Variants in XPR1 observed in about 807,000 individuals in gnomAD.
XPR1 encodes xenotropic and polytropic retrovirus receptor 1.
XPR1 carries 28 observed loss-of-function variants against 87.5 expected under a neutral mutation model. That is an observed-to-expected ratio of 0.32 (90% CI 0.24 to 0.44). XPR1 has a LOEUF of 0.44. XPR1 is among the 20% of genes least tolerant of loss of function. The probability of loss-of-function intolerance (pLI) is 1.00; values close to 1 mark genes in which losing one functional copy is unlikely to be tolerated. For missense variants in XPR1, 559 were observed against 862.3 expected (o/e 0.65, Z 4.41); for synonymous variants, 300 against 306.1 (o/e 0.98, Z 0.21).
chr1:180,746,749 C>G (rs1337344894), intron 2 of XPR1, among the ~76,000 whole-genome samples: 1 of 152,072 alleles, frequency 6.6e-6, no homozygotes, highest in East Asian at 1.9e-4. Context: ...CCTAAACAAG[C>G]AAAAACCAAA....
intron 2 of XPR1, among the ~76,000 whole-genome samples, chr1:180,784,480 ATGT>A (rs1010290520): frequency 2.0e-5 from 3 of 152,006 alleles, no homozygotes; most frequent in African/African-American, 4.8e-5. Flanking sequence ...TTTATTTTAA[ATGT>A]TGTAGATATA....
intron 2 of XPR1, among the ~76,000 whole-genome samples, chr1:180,684,416 T>C (rs1656690401): frequency 6.6e-6 from 1 of 152,222 alleles, no homozygotes; most frequent in African/African-American, 2.4e-5. Context: ...TGAAGTCAGG[T>C]AGCGTGATGC....
At chr1:180,864,557 A>G (rs1193397074) in intron 12 of XPR1, among the ~76,000 whole-genome samples, 1 of 152,240 alleles carries the variant, frequency 6.6e-6, no homozygotes, top group Non-Finnish European at 1.5e-5. Flanking sequence ...TGATTGCATC[A>G]AGAAGACTTC....
intron 7 of XPR1, among the ~76,000 whole-genome samples, chr1:180,824,105 A>G (rs1650737331): frequency 6.6e-6 from 1 of 152,232 alleles, no homozygotes; most frequent in Non-Finnish European, 1.5e-5. Flanking sequence ...CCGGATCCCC[A>G]AATGACAGAA....
At position 180,888,616 on chromosome 1, in the gene XPR1, C is replaced by T. The variant is rs1018902293; in HGVS notation, c.*4550C>T. 1 of 151,998 alleles carries T rather than the reference C, an allele frequency of 6.6e-6. No homozygotes were observed. Among genetic ancestry groups the T allele is most frequent in the Non-Finnish European group, 1.5e-5 (1 of 67,998 alleles). The allele number at this position is 151,998 out of a possible 1,614,324, so 9.4% of individuals were successfully genotyped here. The stretch of plus-strand genomic sequence containing the variant: ...AAGAAGAATAAATCCAATTTATCAG[C>T]TTTGTTCATATTCTTTTTCTGAGTG... On this transcript the variant is annotated 3_prime_UTR_variant, in exon 15 of 15. Coordinates refer to ENST00000367590, the MANE Select transcript of XPR1 (RefSeq NM_004736.4).
In XPR1 at chr1:180,887,864, A is replaced by G. The variant is rs1369910158; in HGVS notation, c.*3798A>G. On this transcript the variant is annotated 3_prime_UTR_variant, in exon 15 of 15. Transcript: ENST00000367590. ...CTTTGACCAAAGTACATTCACAGTA[A>G]CTAGAGAAAGCAGATCATCCATTTC... The G allele has an allele frequency of 6.6e-6, 1 of 152,260 alleles. No individual in the cohort carries two copies. The highest frequency in any genetic ancestry group is 1.9e-4 in the East Asian group (1 of 5,204). The allele number at this position is 152,260 out of a possible 1,614,324, so 9.4% of individuals were successfully genotyped here.
intron 7 of XPR1, among the ~76,000 whole-genome samples, chr1:180,821,530 G>T (rs1650625329): frequency 6.6e-6 from 1 of 151,990 alleles, no homozygotes; most frequent in Non-Finnish European, 1.5e-5. Context: ...AGCTATTTGG[G>T]ACCTCTTGGA....
chr1:180,731,581 G>A (rs1658557388), intron 2 of XPR1, among the ~76,000 whole-genome samples: 1 of 152,120 alleles, frequency 6.6e-6, no homozygotes, highest in Non-Finnish European at 1.5e-5. Context: ...CAGCAGAAGG[G>A]TTAATTTCTA....
chr1:180,861,051 A>G (rs1571901832), intron 11 of XPR1, among the ~76,000 whole-genome samples: 1 of 152,154 alleles, frequency 6.6e-6, no homozygotes, highest in Non-Finnish European at 1.5e-5. Context: ...TAAAGAAAGA[A>G]AGAAAATCAG....
chr1:180,760,228 G>A (rs184748644), intron 2 of XPR1, among the ~76,000 whole-genome samples: 128 of 152,198 alleles, frequency 8.4e-4, no homozygotes, highest in African/African-American at 2.8e-3. Context: ...CTCTCTTACC[G>A]CTCCTATTCA....
Position 180,880,317 on chromosome 1 carries a change from CTG to C in XPR1, c.2030+23_2030+24del, listed in dbSNP as rs770134632. The C allele has an allele frequency of 1.9e-6, 3 of 1,612,832 alleles. No individual in the cohort carries two copies. The African/African-American group carries it at 4.0e-5, about 22-fold the overall frequency. ...TTCTCAGTATGTATGGCTTCTACTT[CTG>C]TGAGGCATATTTCCTTTGAGTTTTA... On this transcript the variant is annotated intron_variant, in intron 14 of 14. Transcript: ENST00000367590.
intron 1 of XPR1, among the ~76,000 whole-genome samples, chr1:180,645,906 C>A (rs1190993930): frequency 6.6e-6 from 1 of 152,124 alleles, no homozygotes; most frequent in Non-Finnish European, 1.5e-5. Flanking sequence ...CATGCATATA[C>A]CAACATAAAA....
At chr1:180,755,259 A>C (rs2102042800) in intron 2 of XPR1, among the ~76,000 whole-genome samples, 1 of 152,298 alleles carries the variant, frequency 6.6e-6, no homozygotes, top group African/African-American at 2.4e-5. Flanking sequence ...GTTGGTTTCT[A>C]AATATAATTA....
intron 1 of XPR1, among the ~76,000 whole-genome samples, chr1:180,644,937 CAA>C (rs1655064471): frequency 6.6e-6 from 1 of 151,974 alleles, no homozygotes; most frequent in South Asian, 2.1e-4. Context: ...CAGTGACACA[CAA>C]AGTGTGTTGC....
chr1:180,757,098 T>G (rs1054569850), intron 2 of XPR1, among the ~76,000 whole-genome samples: 2 of 152,250 alleles, frequency 1.3e-5, no homozygotes, highest in African/African-American at 4.8e-5. Flanking sequence ...ATTCATCAAC[T>G]TTACTCTTCT....
chr1:180,744,377 C>T (rs1164903845), intron 2 of XPR1, among the ~76,000 whole-genome samples: 1 of 151,770 alleles, frequency 6.6e-6, no homozygotes, highest in Non-Finnish European at 1.5e-5. Flanking sequence ...ATTTTTGTGC[C>T]AGAGCATTCC....
At chr1:180,787,155 G>GT (rs897007224) in intron 2 of XPR1, among the ~76,000 whole-genome samples, 2 of 151,682 alleles carry the variant, frequency 1.3e-5, no homozygotes, top group East Asian at 3.9e-4. Context: ...TCTGTCTACA[G>GT]TTTTTTTTCT....
chr1:180,832,765 C>T (rs1183108343), intron 9 of XPR1, among the ~76,000 whole-genome samples: 1 of 151,946 alleles, frequency 6.6e-6, no homozygotes, highest in Non-Finnish European at 1.5e-5. Flanking sequence ...GTTACTGTAG[C>T]CTTGTAGTAT....
At chr1:180,760,784 C>G (rs1025571584) in intron 2 of XPR1, among the ~76,000 whole-genome samples, 1 of 152,086 alleles carries the variant, frequency 6.6e-6, no homozygotes, top group African/African-American at 2.4e-5. Context: ...TCATATGGAA[C>G]CAAAAAAGAG....
Sources: gnomAD v4.1 joint callset for allele counts (sites outside exome capture counted in the v4.1 genomes callset) on GRCh38, gnomAD v4.1.1 for gene constraint, MANE v1.5 for transcripts, NCBI Gene and HGNC (gene_info 2026-07-23, HGNC 2026-07-21) for gene names.